CLTCL1: variants seen among roughly 807,000 people sequenced by gnomAD.
CLTCL1 encodes the protein clathrin heavy chain like 1, also known as clathrin heavy chain 2.
CLTCL1 carries 159 observed loss-of-function variants against 190.0 expected under a neutral mutation model. The observed-to-expected ratio is 0.84, with a 90% CI of 0.74 to 0.95. CLTCL1 has a LOEUF of 0.95. Ranked by LOEUF, CLTCL1 falls within the 40% of genes least tolerant of loss-of-function variation. The pLI is 0.00. For missense variants in CLTCL1, 1,878 were observed against 2,033.4 expected (o/e 0.92, Z 1.47); for synonymous variants, 752 against 769.6 (o/e 0.98, Z 0.38).
At chr22:19,201,524 ACT>A (rs144014409) in intron 22 of CLTCL1, 31 bp from the exon 23 acceptor site, 86,926 of 1,590,532 alleles carry the variant, frequency 0.055, 3,362 homozygotes, top group East Asian at 0.14. Context: ...CGACTGAGAC[ACT>A]CTTCAATGGG....
rs368356281 is a variant in CLTCL1 at position 19,260,591 on chromosome 22, C to T, written c.251-6364G>A. Reference sequence around the variant, plus strand: ...AGGAGTTCGAGATCAGCCTGACCAACGTGGAAAGAAACCCCGTCTCTACTA... The same window carrying T: ...AGGAGTTCGAGATCAGCCTGACCAATGTGGAAAGAAACCCCGTCTCTACTA... On this transcript the variant is annotated intron_variant, in intron 2 of 32. Transcript: ENST00000427926. Among the ~76,000 whole-genome samples, 30 of 151,872 alleles carry T rather than the reference C, an allele frequency of 2.0e-4. No homozygotes were observed. The South Asian group carries it at 5.0e-3, about 25-fold the overall frequency.
intron 20 of CLTCL1, 150 bp from the exon 21 acceptor site, chr22:19,209,264 G>A: frequency 3.2e-6 from 2 of 618,544 alleles, no homozygotes; most frequent in Non-Finnish European, 5.4e-6. Flanking sequence ...TTTCTCAGAT[G>A]GACAGGTTGA....
At position 19,255,630 on chromosome 22, in the gene CLTCL1, C is replaced by T. The variant is rs142046484; in HGVS notation, c.251-1403G>A. On this transcript the variant is annotated intron_variant, in intron 2 of 32. Transcript: ENST00000427926. Reference sequence around the variant, plus strand: ...TTGGAAATATAAAAAAGAATTCAGGCCGGGCATGGTGGCTCACGCCTGTAA... The same window carrying T: ...TTGGAAATATAAAAAAGAATTCAGGTCGGGCATGGTGGCTCACGCCTGTAA... Among the ~76,000 whole-genome samples the T allele has an allele frequency of 1.2e-4, 18 of 152,048 alleles. No individual in the cohort carries two copies. The East Asian group carries it at 3.5e-3, about 29-fold the overall frequency.
At chr22:19,206,439 TCTCA>T (rs1448274972) in intron 22 of CLTCL1, among the ~76,000 whole-genome samples, 3 of 151,954 alleles carry the variant, frequency 2.0e-5, no homozygotes, top group South Asian at 2.1e-4. Context: ...GAGATGGGGG[TCTCA>T]CTATGTTGTC....
Position 19,221,303 on chromosome 22 carries a change from C to T in CLTCL1, c.2796+74G>A. On this transcript the variant is annotated intron_variant, in intron 17 of 32. Transcript: ENST00000427926. ...GTGCACAGAAAGCCCTGATCAGCTC[C>T]CCACAGGCACACCTTTGAAAGCTTC... The T allele has an allele frequency of 2.5e-6, 3 of 1,176,936 alleles. No homozygotes were observed. In the East Asian group the frequency reaches 7.7e-5, roughly 30 times the overall value. 72.9% of individuals were successfully genotyped at this position (1,176,936 alleles called of 1,614,324 possible). A position where few individuals can be genotyped will look rare whatever the true frequency, so the allele number is the denominator to read the frequency against.
intron 1 of CLTCL1, among the ~76,000 whole-genome samples, chr22:19,285,571 C>T (rs1555989661): frequency 2.0e-5 from 3 of 152,154 alleles, no homozygotes; most frequent in African/African-American, 2.4e-5. Flanking sequence ...AAGATATATC[C>T]GATTCTAATT....
At position 19,179,870 on chromosome 22, in the gene CLTCL1, C is replaced by T; in HGVS notation, c.*120G>A. ...CTGCAGGTAGGGTGGGTGGTGACAA[C>T]GCCCACTACACGCGGAAGTTGTACA... is the stretch of plus-strand genomic sequence containing the variant. On this transcript the variant is annotated 3_prime_UTR_variant, in exon 33 of 33. Coordinates refer to ENST00000427926, the MANE Select transcript of CLTCL1 (RefSeq NM_007098.4). 2.7e-6 allele frequency: 1 copy of T among 372,968 alleles called. No individual in the cohort carries two copies. Among genetic ancestry groups the T allele is most frequent in the Non-Finnish European group, 4.9e-6 (1 of 202,872 alleles). The allele number at this position is 372,968 out of a possible 1,614,324, so 23.1% of individuals were successfully genotyped here. A position where few individuals can be genotyped will look rare whatever the true frequency, so the allele number is the denominator to read the frequency against.
At chr22:19,221,644 A>G (rs1206537) in intron 16 of CLTCL1, 33 bp from the exon 17 acceptor site, 100,149 of 1,528,610 alleles carry the variant, frequency 0.066, 3,490 homozygotes, top group Middle Eastern at 0.11. Flanking sequence ...TAAAGTCTCA[A>G]GGCTACCACT....
rs1555928970 is a variant in CLTCL1, at chr22:19,187,619, TAC to T, written c.4542_4543del (p.Tyr1515GlnfsTer4). The T allele has an allele frequency of 6.2e-7, 1 of 1,613,504 alleles. No individual in the cohort carries two copies. The highest frequency in any genetic ancestry group is 8.5e-7 in the Non-Finnish European group (1 of 1,179,904). ...CTGGGCCCACCAGTTATTGCCCTTG[TAC>T]AGATAGGCCGCAATGCACCTGAACT... is the stretch of plus-strand genomic sequence containing the variant. On this transcript the variant is annotated frameshift_variant, in exon 29 of 33. Transcript: ENST00000427926. LOFTEE classifies it high-confidence loss of function.
intron 22 of CLTCL1, among the ~76,000 whole-genome samples, chr22:19,203,175 C>T (rs913097933): frequency 3.9e-5 from 6 of 152,202 alleles, no homozygotes; most frequent in Admixed American, 1.3e-4. Context: ...ATTAGCTGAG[C>T]GTGGTGGCGG....
chr22:19,272,005 A>T (rs2087336956), intron 2 of CLTCL1, among the ~76,000 whole-genome samples: 1 of 152,160 alleles, frequency 6.6e-6, no homozygotes, highest in East Asian at 1.9e-4. Flanking sequence ...GCTACTTCAG[A>T]GGCTGACGCA....
intron 2 of CLTCL1, among the ~76,000 whole-genome samples, chr22:19,256,655 G>C (rs922603069): frequency 5.3e-5 from 8 of 150,978 alleles, no homozygotes; most frequent in Non-Finnish European, 1.5e-5. Context: ...ACCATGCCCA[G>C]TCTAATTTTT....
intron 2 of CLTCL1, among the ~76,000 whole-genome samples, chr22:19,261,514 A>G (rs2086949137): frequency 6.6e-6 from 1 of 152,214 alleles, no homozygotes; most frequent in Non-Finnish European, 1.5e-5. Context: ...ACCATTCTAG[A>G]TGCAACTAAG....
chr22:19,192,822 G>T (rs2084558206), intron 26 of CLTCL1, among the ~76,000 whole-genome samples: 1 of 152,186 alleles, frequency 6.6e-6, no homozygotes, highest in Admixed American at 6.5e-5. Flanking sequence ...GCATCACAAA[G>T]CTTCACCTAT....
intron 18 of CLTCL1, 107 bp downstream of exon 18, chr22:19,219,778 C>G (rs1254307578): frequency 9.9e-6 from 15 of 1,519,466 alleles, no homozygotes; most frequent in Non-Finnish European, 1.3e-5. Context: ...GAGCCACTGC[C>G]CTCAGCCAAG....
chr22:19,204,045 T>C (rs1468626443), intron 22 of CLTCL1, among the ~76,000 whole-genome samples: 1 of 152,228 alleles, frequency 6.6e-6, no homozygotes, highest in African/African-American at 2.4e-5. Flanking sequence ...CCTTGCGACA[T>C]CACTGCACCA....
chr22:19,259,434 C>T (rs143613711), intron 2 of CLTCL1, among the ~76,000 whole-genome samples: 3 of 152,158 alleles, frequency 2.0e-5, no homozygotes, highest in East Asian at 3.9e-4. Context: ...CAAAGGTTTG[C>T]GGCAATCTTC....
intron 2 of CLTCL1, 104 bp from the exon 3 acceptor site, chr22:19,254,331 T>C: frequency 1.0e-6 from 1 of 985,560 alleles, no homozygotes; most frequent in Non-Finnish European, 1.5e-6. Context: ...CTTTAGGTTG[T>C]ACTGCTAATC....
At chr22:19,289,096 G>A (rs1229864930) in intron 1 of CLTCL1, among the ~76,000 whole-genome samples, 4 of 152,148 alleles carry the variant, frequency 2.6e-5, no homozygotes, top group African/African-American at 7.2e-5. Flanking sequence ...AGATTCTCCC[G>A]CCTCAGCCTC....
Sources: allele counts gnomAD v4.1 joint callset (sites outside exome capture counted in the v4.1 genomes callset), GRCh38; gene constraint gnomAD v4.1.1; transcripts MANE v1.5; gene names NCBI Gene and HGNC (gene_info 2026-07-23, HGNC 2026-07-21).